SCARB2: variants seen among roughly 807,000 people sequenced by gnomAD.
SCARB2 encodes lysosome membrane protein 2.
A neutral mutation model predicts 58.6 loss-of-function variants in SCARB2; 29 were observed. That is an observed-to-expected ratio of 0.49 (90% CI 0.37 to 0.67). The LOEUF is 0.67. Ranked by LOEUF, SCARB2 falls within the 30% of genes least tolerant of loss-of-function variation. The probability of loss-of-function intolerance (pLI) is 0.00; values close to 1 mark genes in which losing one functional copy is unlikely to be tolerated. For synonymous variants in SCARB2, 195 were observed against 210.1 expected, an observed-to-expected ratio of 0.93 and a Z score of 0.62; for missense variants, 488 against 578.5, an observed-to-expected ratio of 0.84 and a Z score of 1.60.
intron 9 of SCARB2, among the ~76,000 whole-genome samples, chr4:76,167,139 G>T (rs1201856033): frequency 6.6e-6 from 1 of 152,226 alleles, no homozygotes; most frequent in Non-Finnish European, 1.5e-5. Context: ...TTAAGCTGCA[G>T]CATGGGGAAG....
intron 1 of SCARB2, among the ~76,000 whole-genome samples, chr4:76,203,557 G>C (rs1198633499): frequency 6.6e-6 from 1 of 152,206 alleles, no homozygotes; most frequent in Non-Finnish European, 1.5e-5. Context: ...AAGTGAGACT[G>C]TTTTAAAACA....
At position 76,232,019 on chromosome 4, in the gene SCARB2, T is replaced by C. The variant is rs529412479; in HGVS notation, c.-358+2284A>G. ...GAGAAGTGGATTCCTATTGCACTGA[T>C]GTAAACAACTATATTGCCATAAGTT... On this transcript the variant is annotated intron_variant, in intron 1 of 11. Transcript: ENST00000638295. 6.6e-5 allele frequency among the ~76,000 whole-genome samples: 10 copies of C among 152,356 alleles called. No individual in the cohort carries two copies. The South Asian group carries it at 1.0e-3, about 16-fold the overall frequency.
At chr4:76,162,057 A>C in intron 11 of SCARB2, 2 of 458,364 alleles carry the variant, frequency 4.4e-6, no homozygotes, top group Non-Finnish European at 4.0e-6. Flanking sequence ...GAAACCTACT[A>C]AGGAGTAGTG....
intron 10 of SCARB2, 55 bp downstream of exon 10, chr4:76,166,195 A>C: frequency 6.5e-7 from 1 of 1,540,430 alleles, no homozygotes; most frequent in Non-Finnish European, 9.0e-7. Flanking sequence ...AGACATCATA[A>C]TGGATTTTTT....
chr4:76,175,263 C>G (rs1732229031), intron 6 of SCARB2: 1 of 159,836 alleles, frequency 6.3e-6, no homozygotes, highest in Non-Finnish European at 1.4e-5. Flanking sequence ...TCCATTCCTT[C>G]TCTGCCTCCC....
chr4:76,227,898 T>C (rs766736992), intron 1 of SCARB2, among the ~76,000 whole-genome samples: 18 of 152,222 alleles, frequency 1.2e-4, no homozygotes, highest in Non-Finnish European at 2.5e-4. Context: ...TTCTAGCCCA[T>C]TACATTAAGT....
At chr4:76,224,899 C>T (rs7667447) in intron 1 of SCARB2, among the ~76,000 whole-genome samples, 46,787 of 151,798 alleles carry the variant, frequency 0.31, 7,368 homozygotes, top group African/African-American at 0.38. Context: ...ATCCCTCACC[C>T]GCCTCCTACC....
At chr4:76,228,094 T>TTC (rs750838535) in intron 1 of SCARB2, among the ~76,000 whole-genome samples, 1 of 151,956 alleles carries the variant, frequency 6.6e-6, no homozygotes, top group Non-Finnish European at 1.5e-5. Flanking sequence ...GAATACCTTT[T>TTC]TTTTTCATTG....
At chr4:76,197,131 A>G (rs1338962145) in intron 1 of SCARB2, among the ~76,000 whole-genome samples, 1 of 152,172 alleles carries the variant, frequency 6.6e-6, no homozygotes, top group Non-Finnish European at 1.5e-5. Context: ...GACTTCTAGC[A>G]TCCAGAACTA....
intron 10 of SCARB2, chr4:76,165,778 C>CTTTTT (rs1731996118): frequency 6.6e-6 from 1 of 151,606 alleles, no homozygotes. Flanking sequence ...TTTTTTTTCC[C>CTTTTT]TCAAACTGGG....
At chr4:76,234,215 G>T (rs576978885) in intron 1 of SCARB2, 4 of 152,408 alleles carry the variant, frequency 2.6e-5, no homozygotes, top group Admixed American at 6.5e-5. Flanking sequence ...CAATGCGGGG[G>T]TGTGGGCATG....
Position 76,213,143 on chromosome 4 carries a change from G to A in SCARB2, c.117+284C>T. On this transcript the variant is annotated intron_variant, in intron 1 of 11. Coordinates refer to ENST00000264896, the MANE Select transcript of SCARB2 (RefSeq NM_005506.4). Reference sequence around the variant, plus strand: ...CCCACCTGAGATTGGGGTGTAGACGGAAGGAGTGGGGAGAGATGCAAACGA... The same window carrying A: ...CCCACCTGAGATTGGGGTGTAGACGAAAGGAGTGGGGAGAGATGCAAACGA... The A allele has an allele frequency of 4.7e-6, 2 of 425,618 alleles. 1 individual carries two copies. The highest frequency in any genetic ancestry group is 4.3e-5 in the South Asian group (2 of 46,112). 26.4% of individuals were successfully genotyped at this position (425,618 alleles called of 1,614,324 possible).
intron 5 of SCARB2, 75 bp from the exon 6 acceptor site, chr4:76,175,985 T>C: frequency 6.4e-7 from 1 of 1,567,916 alleles, no homozygotes. Context: ...GTCAGGACTT[T>C]GCAAGATTTA....
At chr4:76,204,903 A>C (rs1260319067) in intron 1 of SCARB2, among the ~76,000 whole-genome samples, 2 of 152,222 alleles carry the variant, frequency 1.3e-5, no homozygotes, top group Non-Finnish European at 2.9e-5. Context: ...TGTTAAAAGA[A>C]AATATCCTTA....
chr4:76,181,501 T>C (rs1295646340), intron 2 of SCARB2, among the ~76,000 whole-genome samples: 3 of 152,218 alleles, frequency 2.0e-5, no homozygotes. Context: ...TGTTTCTACA[T>C]TGAATTAAAT....
chr4:76,233,608 G>A (rs34369701), intron 1 of SCARB2, among the ~76,000 whole-genome samples: 20,516 of 150,414 alleles, frequency 0.14, 1,659 homozygotes, highest in East Asian at 0.34. Flanking sequence ...ACACACATAT[G>A]TAACTGACAA....
intron 1 of SCARB2, among the ~76,000 whole-genome samples, chr4:76,199,776 A>G (rs996933468): frequency 2.0e-5 from 3 of 152,182 alleles, no homozygotes; most frequent in Non-Finnish European, 4.4e-5. Context: ...GTCAGCTCCT[A>G]GTAAGGAGCC....
At chr4:76,174,402 C>T in intron 6 of SCARB2, 89 bp from the exon 7 acceptor site, 1 of 1,167,722 alleles carries the variant, frequency 8.6e-7, no homozygotes, top group Non-Finnish European at 1.3e-6. Flanking sequence ...TTCTCAGGTA[C>T]AACATGGCCA....
chr4:76,200,983 A>G (rs967633698), intron 1 of SCARB2, among the ~76,000 whole-genome samples: 3 of 152,212 alleles, frequency 2.0e-5, no homozygotes, highest in Non-Finnish European at 2.9e-5. Flanking sequence ...AAAGTGCCTA[A>G]GGGAACAGAT....
Sources: gnomAD v4.1 joint callset for allele counts (sites outside exome capture counted in the v4.1 genomes callset) on GRCh38, gnomAD v4.1.1 for gene constraint, MANE v1.5 for transcripts, NCBI Gene and HGNC (gene_info 2026-07-23, HGNC 2026-07-21) for gene names.